The following PAK5 variants were observed in gnomAD, a reference collection of about 807,000 sequenced individuals.
PAK5 encodes serine/threonine-protein kinase PAK 5.
A neutral mutation model predicts 65.9 loss-of-function variants in PAK5; 16 were observed. That is an observed-to-expected ratio of 0.24 (90% CI 0.16 to 0.37). The LOEUF (loss-of-function observed/expected upper bound fraction) is 0.37. PAK5 is among the 10% of genes least tolerant of loss of function. PAK5 has a pLI of 1.00. For synonymous variants in PAK5, 371 were observed against 354.9 expected (o/e 1.05, Z -0.51); for missense variants, 785 against 903.9 (o/e 0.87, Z 1.69).
chr20:9,772,399 A>G (rs943412816), intron 1 of PAK5, among the ~76,000 whole-genome samples: 27 of 152,310 alleles, frequency 1.8e-4, no homozygotes, highest in South Asian at 2.1e-4. Context: ...TCCAAGAAAG[A>G]GGGTTTTGCA....
chr20:9,647,373 T>C (rs898251579), intron 2 of PAK5, among the ~76,000 whole-genome samples: 6 of 152,218 alleles, frequency 3.9e-5, no homozygotes, highest in Admixed American at 6.5e-5. Context: ...CAAGAAATTT[T>C]AGCTATGACC....
At chr20:9,728,501 CT>C (rs1260456158) in intron 1 of PAK5, among the ~76,000 whole-genome samples, 1 of 152,060 alleles carries the variant, frequency 6.6e-6, no homozygotes, top group African/African-American at 2.4e-5. Context: ...CACAAGAAGC[CT>C]TCAGACTAAT....
chr20:9,620,954 A>G (rs1569003974), intron 3 of PAK5, among the ~76,000 whole-genome samples: 1 of 27,030 alleles, frequency 3.7e-5, no homozygotes, highest in African/African-American at 1.6e-4. Flanking sequence ...AGAAAGAGAG[A>G]GAGAAAGAGA....
intron 3 of PAK5, among the ~76,000 whole-genome samples, chr20:9,616,064 G>C (rs541539119): frequency 3.3e-5 from 5 of 152,202 alleles, no homozygotes; most frequent in Non-Finnish European, 7.3e-5. Context: ...CACGTCAAGG[G>C]GAGGGAAGGT....
At chr20:9,542,427 TAGA>T (rs1174663067) in intron 9 of PAK5, among the ~76,000 whole-genome samples, 156 bp downstream of exon 9, 2 of 152,178 alleles carry the variant, frequency 1.3e-5, no homozygotes, top group Non-Finnish European at 2.9e-5. Context: ...AGTAAACGAA[TAGA>T]AGAACAGAGA....
chr20:9,540,244 C>A (rs187200828), intron 9 of PAK5, among the ~76,000 whole-genome samples: 2 of 152,168 alleles, frequency 1.3e-5, no homozygotes, highest in Admixed American at 6.5e-5. Flanking sequence ...GCCCAGGTTC[C>A]GCTGCACAAA....
At chr20:9,549,000 C>A (rs1160450023) in intron 7 of PAK5, among the ~76,000 whole-genome samples, 1 of 151,998 alleles carries the variant, frequency 6.6e-6, no homozygotes, top group South Asian at 2.1e-4. Flanking sequence ...CAAGAATCAA[C>A]CCCAGAGGAC....
intron 7 of PAK5, among the ~76,000 whole-genome samples, chr20:9,555,978 C>A (rs1420643995): frequency 1.3e-5 from 2 of 152,290 alleles, no homozygotes; most frequent in Non-Finnish European, 2.9e-5. Flanking sequence ...ATCACAACTG[C>A]AAGAGGGAGC....
intron 3 of PAK5, among the ~76,000 whole-genome samples, chr20:9,621,777 G>A (rs1018369796): frequency 1.2e-4 from 19 of 152,184 alleles, no homozygotes; most frequent in African/African-American, 4.1e-4. Context: ...TCATGCAGCG[G>A]GGCCTGCGGT....
At chr20:9,682,873 G>A (rs565599765) in intron 2 of PAK5, among the ~76,000 whole-genome samples, 1 of 152,260 alleles carries the variant, frequency 6.6e-6, no homozygotes, top group Admixed American at 6.5e-5. Flanking sequence ...TGATCCACAG[G>A]TGAAGTAAAA....
At chr20:9,748,938 A>T (rs1178320118) in intron 1 of PAK5, among the ~76,000 whole-genome samples, 1 of 152,146 alleles carries the variant, frequency 6.6e-6, no homozygotes, top group Non-Finnish European at 1.5e-5. Context: ...AGCACCTCAG[A>T]AGTTTCTCTC....
intron 2 of PAK5, among the ~76,000 whole-genome samples, chr20:9,682,684 C>T (rs2047666546): frequency 6.6e-6 from 1 of 152,182 alleles, no homozygotes; most frequent in African/African-American, 2.4e-5. Context: ...ACAATCTGTG[C>T]CACTTTATGT....
rs557278886 is a variant in PAK5, at chr20:9,547,719, G to A, written c.1744-3225C>T. On this transcript the variant is annotated intron_variant, in intron 7 of 9. Transcript: ENST00000353224. ...GCATCCCTTCAGGAGGGATGGGATG[G>A]GATCCAAGGTCTTGTTACTTAAAGC... Among the ~76,000 whole-genome samples the A allele has an allele frequency of 3.0e-3, 460 of 152,222 alleles. 1 individual carries two copies. The highest frequency in any genetic ancestry group is 5.5e-3 in the Non-Finnish European group (376 of 67,998).
intron 2 of PAK5, among the ~76,000 whole-genome samples, chr20:9,696,753 A>C (rs2047875254): frequency 6.6e-6 from 1 of 152,146 alleles, no homozygotes; most frequent in South Asian, 2.1e-4. Flanking sequence ...TAGAAAGTGA[A>C]TATGTAAAGA....
chr20:9,552,301 G>A (rs892054467), intron 7 of PAK5, among the ~76,000 whole-genome samples: 8 of 152,204 alleles, frequency 5.3e-5, no homozygotes, highest in Admixed American at 5.2e-4. Flanking sequence ...GTCACTCACT[G>A]CTCACTGGCC....
chr20:9,670,821 T>C (rs559011362), intron 2 of PAK5, among the ~76,000 whole-genome samples: 3 of 152,320 alleles, frequency 2.0e-5, no homozygotes, highest in African/African-American at 7.2e-5. Context: ...CCATTGCTTT[T>C]GGTGTTTTAG....
At chr20:9,687,137 T>C (rs1316953632) in intron 2 of PAK5, among the ~76,000 whole-genome samples, 1 of 152,208 alleles carries the variant, frequency 6.6e-6, no homozygotes, top group Non-Finnish European at 1.5e-5. Flanking sequence ...CCAGGCTGTA[T>C]AGCTTTGCTC....
intron 2 of PAK5, among the ~76,000 whole-genome samples, chr20:9,687,978 C>T (rs2047742634): frequency 6.6e-6 from 1 of 151,432 alleles, no homozygotes; most frequent in South Asian, 2.1e-4. Context: ...ATGCTGGGTC[C>T]AGGAAGGCTC....
At chr20:9,773,287 G>A (rs999428693) in intron 1 of PAK5, among the ~76,000 whole-genome samples, 2 of 152,016 alleles carry the variant, frequency 1.3e-5, no homozygotes, top group African/African-American at 2.4e-5. Flanking sequence ...TGTGCACAAT[G>A]TGCAGGTTTG....
Sources: gnomAD v4.1 joint callset for allele counts (sites outside exome capture counted in the v4.1 genomes callset) on GRCh38, gnomAD v4.1.1 for gene constraint, MANE v1.5 for transcripts, NCBI Gene and HGNC (gene_info 2026-07-23, HGNC 2026-07-21) for gene names.